The following UGT1A10 variants were observed in gnomAD, a reference collection of about 807,000 sequenced individuals.
UGT1A10 encodes UDP-glucuronosyltransferase 1A10.
In UGT1A10, 49 loss-of-function variants were observed where a neutral mutation model predicts 45.8. The ratio of observed to expected loss-of-function variants is 1.07; its 90% CI spans 0.85 to 1.36. The LOEUF (loss-of-function observed/expected upper bound fraction) is 1.36, where lower values mean the gene tolerates loss of function less well. Ranked by LOEUF, UGT1A10 falls within the 40% of genes most tolerant of loss-of-function variation. The pLI is 0.00. For missense variants in UGT1A10, 745 were observed against 668.6 expected (o/e 1.11, Z -1.26); for synonymous variants, 284 against 249.7 (o/e 1.14, Z -1.29).
chr2:233,729,597 C>T (rs375083511), intron 1 of UGT1A10: 44 of 1,613,906 alleles, frequency 2.7e-5, no homozygotes, highest in East Asian at 1.8e-4. Context: ...TTAACCTCTG[C>T]GCGGCAGTGC....
At chr2:233,718,625 T>G in intron 1 of UGT1A10, 2 of 913,422 alleles carry the variant, frequency 2.2e-6, no homozygotes, top group Non-Finnish European at 2.6e-6. Context: ...GCGTGATTGG[T>G]CTTTCCCAGG....
intron 1 of UGT1A10, chr2:233,755,405 C>T (rs1027033483): frequency 1.1e-4 from 37 of 334,342 alleles, no homozygotes; most frequent in Middle Eastern, 1.1e-3. Context: ...ATCTCATTGG[C>T]CGAGGCCTGT....
intron 1 of UGT1A10, among the ~76,000 whole-genome samples, chr2:233,674,817 C>T (rs1479968897): frequency 2.6e-5 from 4 of 152,142 alleles, no homozygotes; most frequent in East Asian, 1.9e-4. Context: ...GAAGGCTTTC[C>T]GGCAAAGAGC....
intron 1 of UGT1A10, among the ~76,000 whole-genome samples, chr2:233,696,717 C>G (rs1315267441): frequency 2.0e-5 from 3 of 152,058 alleles, no homozygotes; most frequent in Non-Finnish European, 4.4e-5. Context: ...TTTAGAGGAA[C>G]AGTTTTCAGT....
intron 1 of UGT1A10, among the ~76,000 whole-genome samples, chr2:233,660,113 A>AG: frequency 6.6e-6 from 1 of 152,330 alleles, no homozygotes; most frequent in East Asian, 1.9e-4. Context: ...GTCACGCACA[A>AG]CATCTGGACA....
intron 1 of UGT1A10, among the ~76,000 whole-genome samples, chr2:233,763,075 G>T (rs563223055): frequency 6.6e-6 from 1 of 152,130 alleles, no homozygotes; most frequent in Non-Finnish European, 1.5e-5. Flanking sequence ...CCTTCTTTGC[G>T]TGAGGATGTT....
At chr2:233,713,499 G>T (rs1453599075) in intron 1 of UGT1A10, 4 of 1,614,000 alleles carry the variant, frequency 2.5e-6, no homozygotes, top group Middle Eastern at 1.7e-4. Flanking sequence ...GATTCCTGCT[G>T]TGTTTTTCTT....
At chr2:233,729,801 T>C (rs1335994294) in intron 1 of UGT1A10, 3 of 1,613,964 alleles carry the variant, frequency 1.9e-6, no homozygotes, top group Non-Finnish European at 1.7e-6. Context: ...ACATTTGCCA[T>C]GCTTTTTCTG....
At chr2:233,734,324 A>G (rs1395140152) in intron 1 of UGT1A10, among the ~76,000 whole-genome samples, 1 of 152,194 alleles carries the variant, frequency 6.6e-6, no homozygotes, top group Non-Finnish European at 1.5e-5. Flanking sequence ...ACGTATTTAT[A>G]GTATTCTCTG....
intron 1 of UGT1A10, chr2:233,692,997 T>C: frequency 6.2e-7 from 1 of 1,614,038 alleles, no homozygotes; most frequent in Non-Finnish European, 8.5e-7. Flanking sequence ...ACTTTAACTC[T>C]TTCCAGGATG....
chr2:233,654,486 T>C (rs1403959813), intron 1 of UGT1A10, among the ~76,000 whole-genome samples: 2 of 152,114 alleles, frequency 1.3e-5, no homozygotes, highest in South Asian at 2.1e-4. Flanking sequence ...CAGCAGAGAG[T>C]CTCAACCTAT....
intron 1 of UGT1A10, chr2:233,752,385 C>T (rs1023364078): frequency 4.6e-5 from 7 of 152,142 alleles, no homozygotes. Context: ...ATCTTTGCAA[C>T]AGAGGAAATG....
chr2:233,692,868 A>C, intron 1 of UGT1A10: 1 of 1,483,334 alleles, frequency 6.7e-7, no homozygotes, highest in Non-Finnish European at 8.9e-7. Flanking sequence ...TACATATCAA[A>C]GGGTAAAATT....
intron 1 of UGT1A10, among the ~76,000 whole-genome samples, chr2:233,660,420 T>C (rs2073940121): frequency 6.6e-6 from 1 of 152,194 alleles, no homozygotes; most frequent in South Asian, 2.1e-4. Flanking sequence ...CTAGAGGCAT[T>C]GTCCAATATC....
Position 233,693,926 on chromosome 2 carries a change from C to T in UGT1A10, c.855+56549C>T, listed in dbSNP as rs2075188993. On this transcript the variant is annotated intron_variant, in intron 1 of 4. Transcript: ENST00000344644. ...CTTCCAGGCTCTGTCCTCCCTCACTCATTTGGCTCCTTGAGCCGACTGTCC... is the reference window on the plus strand; with the variant it reads ...CTTCCAGGCTCTGTCCTCCCTCACTTATTTGGCTCCTTGAGCCGACTGTCC... 3 of 1,609,026 alleles carry T rather than the reference C, an allele frequency of 1.9e-6. No individual in the cohort carries two copies. The Admixed American group carries it at 5.0e-5, about 27-fold the overall frequency.
chr2:233,730,105 C>G, intron 1 of UGT1A10: 1 of 1,574,650 alleles, frequency 6.4e-7, no homozygotes, highest in Non-Finnish European at 8.6e-7. Context: ...TATTTCATTT[C>G]TGCTTCTCCT....
chr2:233,673,439 A>G (rs1309452303), intron 1 of UGT1A10, among the ~76,000 whole-genome samples: 1 of 151,998 alleles, frequency 6.6e-6, no homozygotes, highest in East Asian at 1.9e-4. Context: ...CCGTGTAAAC[A>G]CTCTTTAATA....
intron 1 of UGT1A10, among the ~76,000 whole-genome samples, chr2:233,661,191 G>A (rs1310741373): frequency 5.3e-5 from 8 of 151,300 alleles, no homozygotes; most frequent in African/African-American, 9.7e-5. Flanking sequence ...ATATGTGAGC[G>A]TTCCCCAACA....
chr2:233,771,662 C>A (rs1000689194), intron 4 of UGT1A10: 1 of 152,330 alleles, frequency 6.6e-6, no homozygotes, highest in Non-Finnish European at 1.5e-5. Flanking sequence ...AATGAAATTT[C>A]TCACAAAATA....
Sources: gnomAD v4.1 joint callset for allele counts (sites outside exome capture counted in the v4.1 genomes callset) on GRCh38, gnomAD v4.1.1 for gene constraint, MANE v1.5 for transcripts, NCBI Gene and HGNC (gene_info 2026-07-23, HGNC 2026-07-21) for gene names.